Variants in GRIK2 observed in about 807,000 individuals in gnomAD.
GRIK2 encodes the protein glutamate ionotropic receptor kainate type subunit 2.
In GRIK2, 32 loss-of-function variants were observed where a neutral mutation model predicts 100.3. That is an observed-to-expected ratio of 0.32 (90% CI 0.24 to 0.43). The LOEUF (loss-of-function observed/expected upper bound fraction) is 0.43. GRIK2 is among the 20% of genes least tolerant of loss of function. The pLI, the probability that GRIK2 is intolerant of heterozygous loss-of-function variation, is 1.00. For synonymous variants in GRIK2, 417 were observed against 389.4 expected, an observed-to-expected ratio of 1.07 and a Z score of -0.83; for missense variants, 843 against 1,114.9, an observed-to-expected ratio of 0.76 and a Z score of 3.47.
At chr6:101,458,573 C>G (rs1771129581) in intron 2 of GRIK2, among the ~76,000 whole-genome samples, 1 of 152,184 alleles carries the variant, frequency 6.6e-6, no homozygotes, top group African/African-American at 2.4e-5. Context: ...AGTCTGTGTT[C>G]TAGGCACTGC....
At chr6:101,763,853 T>C (rs185615048) in intron 7 of GRIK2, among the ~76,000 whole-genome samples, 248 of 152,094 alleles carry the variant, frequency 1.6e-3, no homozygotes, top group Middle Eastern at 0.014. Flanking sequence ...TTTTTTTTCC[T>C]GGGCCCTGCA....
intron 11 of GRIK2, among the ~76,000 whole-genome samples, chr6:101,887,917 C>T (rs1786768267): frequency 6.6e-6 from 1 of 152,134 alleles, no homozygotes; most frequent in Non-Finnish European, 1.5e-5. Context: ...TGGGTGAAGA[C>T]ATAGAGCCAA....
At chr6:101,654,853 C>G (rs1226824460) in intron 4 of GRIK2, among the ~76,000 whole-genome samples, 3 of 152,154 alleles carry the variant, frequency 2.0e-5, no homozygotes, top group Non-Finnish European at 4.4e-5. Flanking sequence ...TTCCCAATTC[C>G]CACTCTTCAT....
At chr6:101,993,614 T>C (rs1794491233) in intron 14 of GRIK2, 1 of 150,882 alleles carries the variant, frequency 6.6e-6, no homozygotes, top group African/African-American at 2.4e-5. Context: ...TAAATGGTTA[T>C]AGCAAAAATA....
At chr6:101,477,810 A>G (rs1360077342) in intron 2 of GRIK2, among the ~76,000 whole-genome samples, 2 of 152,190 alleles carry the variant, frequency 1.3e-5, no homozygotes, top group Non-Finnish European at 2.9e-5. Context: ...ATTAAGCACT[A>G]ATTGATTCCC....
intron 14 of GRIK2, among the ~76,000 whole-genome samples, chr6:102,033,781 G>A (rs570124791): frequency 6.6e-6 from 1 of 151,514 alleles, no homozygotes; most frequent in East Asian, 1.9e-4. Flanking sequence ...AGAATTTTAA[G>A]TGAGTTTATG....
chr6:101,839,880 A>G (rs964390798), intron 10 of GRIK2, among the ~76,000 whole-genome samples: 1 of 152,148 alleles, frequency 6.6e-6, no homozygotes, highest in Non-Finnish European at 1.5e-5. Flanking sequence ...GATGAATTTA[A>G]TTTTGAACAT....
intron 11 of GRIK2, among the ~76,000 whole-genome samples, chr6:101,886,820 C>CTT (rs3054431): frequency 3.0e-3 from 219 of 73,312 alleles, no homozygotes; most frequent in African/African-American, 0.01. Context: ...TTCTTTCTAC[C>CTT]TTTTTTTTTT....
At chr6:101,724,775 G>T (rs1351514286) in intron 7 of GRIK2, among the ~76,000 whole-genome samples, 4 of 151,944 alleles carry the variant, frequency 2.6e-5, no homozygotes, top group Admixed American at 6.6e-5. Flanking sequence ...AAATGATTAA[G>T]ACAACACCTA....
chr6:101,510,144 A>C (rs1007413320), intron 2 of GRIK2, among the ~76,000 whole-genome samples: 4 of 152,190 alleles, frequency 2.6e-5, no homozygotes, highest in African/African-American at 9.7e-5. Flanking sequence ...TAAAGTGCTT[A>C]TTTCTTAAGC....
intron 2 of GRIK2, among the ~76,000 whole-genome samples, chr6:101,548,052 G>T (rs1776333563): frequency 6.6e-6 from 1 of 151,810 alleles, no homozygotes; most frequent in Non-Finnish European, 1.5e-5. Context: ...GTTTTGATTT[G>T]CATTTCTCTG....
intron 4 of GRIK2, among the ~76,000 whole-genome samples, chr6:101,672,197 C>G (rs1473323980): frequency 1.3e-5 from 2 of 152,198 alleles, no homozygotes; most frequent in African/African-American, 4.8e-5. Context: ...CCTTCTGAAA[C>G]TACCCTTGCC....
intron 4 of GRIK2, among the ~76,000 whole-genome samples, chr6:101,648,269 T>C (rs1781622582): frequency 6.6e-6 from 1 of 152,056 alleles, no homozygotes; most frequent in Non-Finnish European, 1.5e-5. Context: ...ATTATATTCA[T>C]TCACATAACC....
intron 12 of GRIK2, among the ~76,000 whole-genome samples, chr6:101,894,226 A>G (rs17062656): frequency 0.014 from 2,102 of 151,904 alleles, 39 homozygotes; most frequent in African/African-American, 0.048. Flanking sequence ...TTAAGAAAAA[A>G]TATCTAAGAA....
chr6:102,011,133 T>A (rs1795509487), intron 14 of GRIK2, among the ~76,000 whole-genome samples: 2 of 152,296 alleles, frequency 1.3e-5, no homozygotes, highest in South Asian at 4.1e-4. Flanking sequence ...AAGTGTCTTC[T>A]AAAATGGCAC....
intron 6 of GRIK2, among the ~76,000 whole-genome samples, chr6:101,684,469 A>G (rs897861533): frequency 6.6e-6 from 1 of 152,086 alleles, no homozygotes; most frequent in Non-Finnish European, 1.5e-5. Flanking sequence ...TAGGTTTTAT[A>G]TCTTCTAATT....
Position 101,812,471 on chromosome 6 carries a change from TAAAAC to T in GRIK2, c.1204-5897_1204-5893del, listed in dbSNP as rs1184652230. Reference sequence around the variant, plus strand: ...AGTGGCATTTCTGAGATGAGGAAAATAAAACATTTATTTCTGTTCAATAAATATTA... The same window carrying T: ...AGTGGCATTTCTGAGATGAGGAAAATATTTATTTCTGTTCAATAAATATTA... On this transcript the variant is annotated intron_variant, in intron 9 of 16. Transcript: ENST00000369134. Among the ~76,000 whole-genome samples the T allele has an allele frequency of 3.3e-5, 5 of 151,962 alleles. No homozygotes were observed. The East Asian group carries it at 9.6e-4, about 29-fold the overall frequency.
intron 12 of GRIK2, among the ~76,000 whole-genome samples, chr6:101,900,422 A>AGCCGAGATCGCGC (rs1787766937): frequency 6.6e-6 from 1 of 152,130 alleles, no homozygotes; most frequent in South Asian, 2.1e-4. Context: ...CGAGATCGTG[A>AGCCGAGATCGCGC]GCCGAGATCG....
Position 101,799,233 on chromosome 6 carries a change from A to T in GRIK2, c.952-415A>T, listed in dbSNP as rs536536369. On this transcript the variant is annotated intron_variant, in intron 7 of 16. Coordinates refer to ENST00000369134, the MANE Select transcript of GRIK2 (RefSeq NM_021956.5). ...AACTGTTTACTTACTTTTATATAGA[A>T]TATGTAATTTATGTGACCATTAAAA... Among the ~76,000 whole-genome samples, 63 of 151,972 alleles carry T rather than the reference A, an allele frequency of 4.1e-4. No homozygotes were observed. The Middle Eastern group carries it at 0.031, about 74-fold the overall frequency.
Sources: allele counts gnomAD v4.1 joint callset (sites outside exome capture counted in the v4.1 genomes callset), GRCh38; gene constraint gnomAD v4.1.1; transcripts MANE v1.5; gene names NCBI Gene and HGNC (gene_info 2026-07-23, HGNC 2026-07-21).